GAS7: variants seen among roughly 807,000 people sequenced by gnomAD.
The protein encoded by GAS7 is growth arrest-specific protein 7.
In GAS7, 28 loss-of-function variants were observed where a neutral mutation model predicts 71.1. The ratio of observed to expected loss-of-function variants is 0.39; its 90% CI spans 0.29 to 0.54. The LOEUF (loss-of-function observed/expected upper bound fraction) is 0.54. Ranked by LOEUF, GAS7 falls within the 20% of genes least tolerant of loss-of-function variation. The pLI, the probability that GAS7 is intolerant of heterozygous loss-of-function variation, is 0.62. For missense variants in GAS7, 436 were observed against 627.8 expected, an observed-to-expected ratio of 0.69 and a Z score of 3.27; for synonymous variants, 258 against 245.8, an observed-to-expected ratio of 1.05 and a Z score of -0.46.
At chr17:9,923,742 G>C (rs374542720) in intron 11 of GAS7, among the ~76,000 whole-genome samples, 1 of 152,180 alleles carries the variant, frequency 6.6e-6, no homozygotes, top group East Asian at 1.9e-4. Context: ...CCATCAAGAC[G>C]AATAATACCC....
intron 1 of GAS7, among the ~76,000 whole-genome samples, chr17:10,074,709 A>G (rs984325349): frequency 1.3e-5 from 2 of 152,216 alleles, no homozygotes; most frequent in Non-Finnish European, 2.9e-5. Context: ...AGTTTTCTCA[A>G]ATCGTTAAGA....
intron 1 of GAS7, among the ~76,000 whole-genome samples, chr17:10,181,944 C>T (rs1026376430): frequency 3.9e-5 from 6 of 152,276 alleles, no homozygotes; most frequent in African/African-American, 1.2e-4. Context: ...CTCCCACCAG[C>T]GCCAGGACAG....
chr17:10,097,771 C>A (rs766539662), intron 1 of GAS7, among the ~76,000 whole-genome samples: 4 of 152,082 alleles, frequency 2.6e-5, no homozygotes, highest in Non-Finnish European at 5.9e-5. Flanking sequence ...GGGCCAGGCA[C>A]GGTGGCTCAC....
chr17:10,022,666 A>G lies in GAS7; in HGVS notation c.184-2769T>C, dbSNP rs143328757. On this transcript the variant is annotated intron_variant, in intron 1 of 13. Coordinates refer to ENST00000432992, the MANE Select transcript of GAS7 (RefSeq NM_201433.2). ...CGGAGAGGGTAACAATACGTAACTC[A>G]GCACCTAGGGCAGCGCCTGTCCTGA... 2.4e-4 allele frequency among the ~76,000 whole-genome samples: 37 copies of G among 152,338 alleles called. 1 individual carries two copies. The East Asian group carries it at 2.5e-3, about 10-fold the overall frequency.
intron 9 of GAS7, among the ~76,000 whole-genome samples, chr17:9,928,527 C>A (rs4791914): frequency 0.038 from 5,708 of 152,196 alleles, 286 homozygotes; most frequent in African/African-American, 0.092. Context: ...AATCAGGCAA[C>A]TCTCTTCAAC....
chr17:9,932,415 G>A (rs949936516), intron 9 of GAS7, among the ~76,000 whole-genome samples: 13 of 152,024 alleles, frequency 8.6e-5, no homozygotes, highest in African/African-American at 3.1e-4. Context: ...GGATGGTCTC[G>A]ATCTCATGAT....
At chr17:10,097,477 A>G (rs2073653430) in intron 1 of GAS7, among the ~76,000 whole-genome samples, 1 of 152,186 alleles carries the variant, frequency 6.6e-6, no homozygotes, top group Admixed American at 6.5e-5. Flanking sequence ...CACCTCCAAA[A>G]AAGCAGGGCG....
intron 1 of GAS7, among the ~76,000 whole-genome samples, chr17:10,186,161 G>T (rs371495076): frequency 1.3e-5 from 2 of 151,178 alleles, no homozygotes; most frequent in African/African-American, 4.9e-5. Flanking sequence ...GTTTCACTGC[G>T]TTAGCCAGGA....
intron 1 of GAS7, among the ~76,000 whole-genome samples, chr17:10,135,054 A>T (rs1428945878): frequency 1.3e-5 from 2 of 152,138 alleles, no homozygotes; most frequent in African/African-American, 4.8e-5. Flanking sequence ...GATGGTCTTG[A>T]TGTCTTGACT....
chr17:10,153,290 A>T (rs958069524), intron 1 of GAS7, among the ~76,000 whole-genome samples: 3 of 151,820 alleles, frequency 2.0e-5, no homozygotes, highest in African/African-American at 7.3e-5. Context: ...TCACGAGGTC[A>T]GGAATTCAAG....
chr17:10,002,658 G>T (rs910904368), intron 2 of GAS7, among the ~76,000 whole-genome samples: 1 of 152,110 alleles, frequency 6.6e-6, no homozygotes, highest in Admixed American at 6.5e-5. Flanking sequence ...AGAACATGCA[G>T]TGTTTGGTTT....
rs1471094669 is a variant in GAS7, at chr17:10,103,581, T to C, written c.184-83684A>G. Among the ~76,000 whole-genome samples the C allele has an allele frequency of 6.6e-6, 1 of 152,126 alleles. No homozygotes were observed. The highest frequency in any genetic ancestry group is 1.9e-4 in the East Asian group (1 of 5,172). On this transcript the variant is annotated intron_variant, in intron 1 of 13. Coordinates refer to ENST00000432992, the MANE Select transcript of GAS7 (RefSeq NM_201433.2). This position sits in a 1 kb window ranked among gnomAD's most constrained non-coding sequence, Gnocchi z 5.5. Reference sequence around the variant, plus strand: ...TGGCTCCCACCTGTAATCCCAGCACTTTGGGAGGCCGAGGTGGGCGGATCA... The same window carrying C: ...TGGCTCCCACCTGTAATCCCAGCACCTTGGGAGGCCGAGGTGGGCGGATCA...
At chr17:9,931,963 C>T (rs1003468233) in intron 9 of GAS7, among the ~76,000 whole-genome samples, 21 of 152,176 alleles carry the variant, frequency 1.4e-4, no homozygotes, top group Non-Finnish European at 2.1e-4. Context: ...GCAGTAGGAA[C>T]GACACTAGGA....
chr17:10,014,000 T>TA (rs1482317789), intron 2 of GAS7, among the ~76,000 whole-genome samples: 1 of 152,192 alleles, frequency 6.6e-6, no homozygotes, highest in African/African-American at 2.4e-5. Flanking sequence ...CCAGGCCATG[T>TA]ACCCACATGG....
chr17:9,927,270 G>A (rs1461481620), intron 9 of GAS7, among the ~76,000 whole-genome samples: 1 of 145,016 alleles, frequency 6.9e-6, no homozygotes, highest in Non-Finnish European at 1.5e-5. Context: ...CCAACATGGT[G>A]AAACCCCATC....
chr17:10,043,490 AACT>A (rs2072902715), intron 1 of GAS7, among the ~76,000 whole-genome samples: 1 of 152,274 alleles, frequency 6.6e-6, no homozygotes, highest in Non-Finnish European at 1.5e-5. Flanking sequence ...CTCAAAAGTT[AACT>A]ACTAACAACC....
At chr17:9,984,635 C>G (rs774750447) in intron 2 of GAS7, among the ~76,000 whole-genome samples, 1 of 152,182 alleles carries the variant, frequency 6.6e-6, no homozygotes, top group African/African-American at 2.4e-5. Context: ...GCCATTCATA[C>G]GCTGAGTGAC....
Position 10,170,458 on chromosome 17 carries a change from T to C in GAS7, c.183+27750A>G, listed in dbSNP as rs148864211. On this transcript the variant is annotated intron_variant, in intron 1 of 13. Transcript: ENST00000432992. ...GCTCTGGCCTCAGGGCCTTTGCACA[T>C]GCTGTTCTGTTTTCTGGCTGGAATG... 2.2e-3 allele frequency among the ~76,000 whole-genome samples: 334 copies of C among 152,316 alleles called. 6 individuals are homozygous for C. The South Asian group carries it at 0.049, about 23-fold the overall frequency.
At chr17:10,003,685 G>A (rs144370164) in intron 2 of GAS7, among the ~76,000 whole-genome samples, 116 of 152,308 alleles carry the variant, frequency 7.6e-4, no homozygotes, top group African/African-American at 2.7e-3. Context: ...AAATATCCAG[G>A]GTGCCTGCTA....
Sources: allele counts gnomAD v4.1 joint callset (sites outside exome capture counted in the v4.1 genomes callset), GRCh38; gene constraint gnomAD v4.1.1; non-coding constraint Gnocchi (gnomAD v3.1); transcripts MANE v1.5; gene names NCBI Gene and HGNC (gene_info 2026-07-23, HGNC 2026-07-21).